The following ERBB4 variants were observed in gnomAD, a reference collection of about 807,000 sequenced individuals.
ERBB4 encodes the protein erb-b2 receptor tyrosine kinase 4.
Under a neutral mutation model 158.0 loss-of-function variants are expected in ERBB4, and 42 were observed. The observed-to-expected ratio is 0.27, with a 90% CI of 0.21 to 0.34. ERBB4 has a LOEUF of 0.34. ERBB4 is among the 10% of genes least tolerant of loss of function. The pLI, the probability that ERBB4 is intolerant of heterozygous loss-of-function variation, is 1.00. For synonymous variants in ERBB4, 583 were observed against 558.7 expected, an observed-to-expected ratio of 1.04 and a Z score of -0.61; for missense variants, 1,333 against 1,624.1, an observed-to-expected ratio of 0.82 and a Z score of 3.08.
intron 3 of ERBB4, among the ~76,000 whole-genome samples, 160 bp downstream of exon 3, chr2:211,947,270 G>C (rs2080726661): frequency 6.6e-6 from 1 of 152,088 alleles, no homozygotes; most frequent in African/African-American, 2.4e-5. Flanking sequence ...AGAAAAGCAA[G>C]GGCATCACAG....
At chr2:212,003,368 A>C (rs1411134905) in intron 2 of ERBB4, among the ~76,000 whole-genome samples, 1 of 151,910 alleles carries the variant, frequency 6.6e-6, no homozygotes, top group East Asian at 1.9e-4. Context: ...GATTTGAAAA[A>C]CTGAGCTAAA....
At chr2:212,349,705 G>A (rs1295727876) in intron 1 of ERBB4, among the ~76,000 whole-genome samples, 1 of 152,066 alleles carries the variant, frequency 6.6e-6, no homozygotes, top group African/African-American at 2.4e-5. Flanking sequence ...AAAACCAGAG[G>A]AAAAGTAGAA....
intron 5 of ERBB4, among the ~76,000 whole-genome samples, chr2:211,730,971 G>C (rs76929247): frequency 0.013 from 1,989 of 152,074 alleles, 11 homozygotes; most frequent in Non-Finnish European, 0.022. Flanking sequence ...GTGACTTCTT[G>C]CTTTAATTTC....
intron 4 of ERBB4, chr2:211,777,301 T>A (rs895819320): frequency 2.0e-5 from 3 of 152,136 alleles, no homozygotes. Flanking sequence ...CACAATTCTA[T>A]CCATTATAGT....
intron 1 of ERBB4, among the ~76,000 whole-genome samples, chr2:212,239,099 C>A (rs1284345172): frequency 6.6e-6 from 1 of 152,126 alleles, no homozygotes; most frequent in African/African-American, 2.4e-5. Flanking sequence ...TGTTGCCCAG[C>A]CTGGAGGGCA....
At chr2:212,240,683 A>C (rs141718039) in intron 1 of ERBB4, among the ~76,000 whole-genome samples, 1 of 151,366 alleles carries the variant, frequency 6.6e-6, no homozygotes, top group African/African-American at 2.4e-5. Context: ...AAAAAAGAAA[A>C]AAGGACAGAT....
chr2:212,352,186 G>A (rs961834450), intron 1 of ERBB4, among the ~76,000 whole-genome samples: 1 of 152,000 alleles, frequency 6.6e-6, no homozygotes, highest in Non-Finnish European at 1.5e-5. Flanking sequence ...GGTAGGAGGA[G>A]GGAGAGGATC....
intron 3 of ERBB4, among the ~76,000 whole-genome samples, chr2:211,809,953 T>A (rs1257433474): frequency 1.3e-5 from 2 of 152,200 alleles, no homozygotes; most frequent in African/African-American, 4.8e-5. Flanking sequence ...ATTTACCCAG[T>A]AGTCATTCAG....
intron 2 of ERBB4, among the ~76,000 whole-genome samples, chr2:211,962,826 AC>A (rs1559197839): frequency 6.6e-6 from 1 of 152,030 alleles, no homozygotes; most frequent in East Asian, 1.9e-4. Context: ...AGCTTGGGAG[AC>A]TTGGTTGATG....
At chr2:212,187,502 A>G (rs2082050355) in intron 1 of ERBB4, among the ~76,000 whole-genome samples, 1 of 151,920 alleles carries the variant, frequency 6.6e-6, no homozygotes, top group Non-Finnish European at 1.5e-5. Flanking sequence ...ATGTATTGAC[A>G]ATACATGTTA....
chr2:211,783,681 C>T (rs573215551), intron 4 of ERBB4, among the ~76,000 whole-genome samples: 9 of 152,174 alleles, frequency 5.9e-5, no homozygotes, highest in African/African-American at 1.4e-4. Flanking sequence ...TATTGATTTG[C>T]GTATGTTGAA....
At chr2:212,153,563 T>C (rs557621011) in intron 1 of ERBB4, among the ~76,000 whole-genome samples, 1 of 152,314 alleles carries the variant, frequency 6.6e-6, no homozygotes, top group African/African-American at 2.4e-5. Context: ...CAGTGTGTTA[T>C]AGCCAACACC....
intron 19 of ERBB4, among the ~76,000 whole-genome samples, chr2:211,597,577 C>A (rs1024980498): frequency 1.3e-5 from 2 of 151,906 alleles, no homozygotes; most frequent in African/African-American, 2.4e-5. Context: ...TCAAAGGAAG[C>A]TTATTATGGA....
At chr2:211,907,935 C>A (rs2079440139) in intron 3 of ERBB4, among the ~76,000 whole-genome samples, 1 of 151,764 alleles carries the variant, frequency 6.6e-6, no homozygotes, top group South Asian at 2.1e-4. Flanking sequence ...TTTTATCTTG[C>A]AGAGATTTCT....
chr2:211,531,786 G>T (rs894366711), intron 20 of ERBB4, among the ~76,000 whole-genome samples: 22 of 151,966 alleles, frequency 1.4e-4, no homozygotes, highest in African/African-American at 5.3e-4. Flanking sequence ...GGTGCCATAT[G>T]ATCTAGTCAT....
chr2:212,069,914 T>C (rs2078060251), intron 2 of ERBB4, among the ~76,000 whole-genome samples: 1 of 151,864 alleles, frequency 6.6e-6, no homozygotes, highest in Non-Finnish European at 1.5e-5. Flanking sequence ...GGCTGGAAAC[T>C]TGAGACCAGC....
chr2:211,843,532 T>C (rs1332066543), intron 3 of ERBB4, among the ~76,000 whole-genome samples: 1 of 152,036 alleles, frequency 6.6e-6, no homozygotes, highest in African/African-American at 2.4e-5. Flanking sequence ...TCTTGCCTTA[T>C]ATAACTTTGA....
chr2:212,448,337 A>G (rs1467366189), intron 1 of ERBB4, among the ~76,000 whole-genome samples: 1 of 152,192 alleles, frequency 6.6e-6, no homozygotes, highest in African/African-American at 2.4e-5. Context: ...TGTCTATATA[A>G]TTTTGAAAAT....
chr2:212,399,480 T>A (rs2091128151), intron 1 of ERBB4, among the ~76,000 whole-genome samples: 1 of 149,348 alleles, frequency 6.7e-6, no homozygotes, highest in Admixed American at 6.8e-5. Flanking sequence ...TGTCAATCTA[T>A]TCACCTTCAA....
Sources: gnomAD v4.1 joint callset for allele counts (sites outside exome capture counted in the v4.1 genomes callset) on GRCh38, gnomAD v4.1.1 for gene constraint, MANE v1.5 for transcripts, NCBI Gene and HGNC (gene_info 2026-07-23, HGNC 2026-07-21) for gene names.